The following NTN1 variants were observed in gnomAD, a reference collection of about 807,000 sequenced individuals.
The protein encoded by NTN1 is netrin-1.
NTN1 carries 11 observed loss-of-function variants against 54.2 expected under a neutral mutation model. The ratio of observed to expected loss-of-function variants is 0.20; its 90% CI spans 0.13 to 0.34. The LOEUF is 0.34. NTN1 is among the 10% of genes least tolerant of loss of function. NTN1 has a pLI of 1.00. For missense variants in NTN1, 740 were observed against 893.1 expected (o/e 0.83, Z 2.18); for synonymous variants, 371 against 382.0 (o/e 0.97, Z 0.33).
At chr17:9,230,188 A>G (rs939546044) in intron 6 of NTN1, among the ~76,000 whole-genome samples, 3 of 152,114 alleles carry the variant, frequency 2.0e-5, no homozygotes, top group Non-Finnish European at 4.4e-5. Context: ...GTAGGGATGA[A>G]GTTACTATGT....
At chr17:9,096,048 C>T (rs537500254) in intron 2 of NTN1, among the ~76,000 whole-genome samples, 8 of 152,112 alleles carry the variant, frequency 5.3e-5, no homozygotes, top group Non-Finnish European at 1.0e-4. Context: ...CTGCCCACCT[C>T]GGCCTCCCAA....
At chr17:9,016,361 T>C in the NTN1 span, among the ~76,000 whole-genome samples, 1 of 152,138 alleles carries the variant, frequency 6.6e-6, no homozygotes, top group Admixed American at 6.5e-5. Context: ...CCCCCTCTTA[T>C]TGTCCTCGGA....
At chr17:9,144,022 A>C (rs951434256) in intron 2 of NTN1, among the ~76,000 whole-genome samples, 1 of 151,754 alleles carries the variant, frequency 6.6e-6, no homozygotes. Context: ...CAGCCTCCTG[A>C]GTAGCTAGAA....
At chr17:9,127,016 A>G (rs1330441378) in intron 2 of NTN1, among the ~76,000 whole-genome samples, 1 of 122,672 alleles carries the variant, frequency 8.2e-6, no homozygotes, top group Non-Finnish European at 1.7e-5. Flanking sequence ...AGGCGGAGGG[A>G]GGCCCTAGGG....
chr17:9,052,120 G>T (rs915082384), intron 2 of NTN1, among the ~76,000 whole-genome samples: 1 of 152,054 alleles, frequency 6.6e-6, no homozygotes, highest in African/African-American at 2.4e-5. Flanking sequence ...TTACAGGCAC[G>T]CGCCACCATG....
At chr17:9,200,684 C>T (rs1353430655) in intron 5 of NTN1, among the ~76,000 whole-genome samples, 1 of 152,162 alleles carries the variant, frequency 6.6e-6, no homozygotes, top group African/African-American at 2.4e-5. Context: ...ATGCATGTGT[C>T]CATTTATTCA....
chr17:9,141,486 G>A (rs1438077092), intron 2 of NTN1, among the ~76,000 whole-genome samples: 1 of 152,140 alleles, frequency 6.6e-6, no homozygotes, highest in Non-Finnish European at 1.5e-5. Flanking sequence ...GCAGACTTAG[G>A]TGGCCTTAGC....
rs1286458291 is a variant in NTN1 at position 9,241,048 on chromosome 17, C to G, written c.*1080C>G. 1 of 152,360 alleles carries G rather than the reference C, an allele frequency of 6.6e-6. No individual in the cohort carries two copies. The highest frequency in any genetic ancestry group is 1.5e-5 in the Non-Finnish European group (1 of 68,186). 9.4% of individuals were successfully genotyped at this position (152,360 alleles called of 1,614,324 possible). A position where few individuals can be genotyped will look rare whatever the true frequency, so the allele number is the denominator to read the frequency against. On this transcript the variant is annotated 3_prime_UTR_variant, in exon 7 of 7. Coordinates refer to ENST00000173229, the MANE Select transcript of NTN1 (RefSeq NM_004822.3). ...AACAGCTGGAAAGGGCCTGAACGGG[C>G]TTGGAGTCTGCAGGCTGCGAAGGCA...
At chr17:9,012,788 C>T in the NTN1 span, among the ~76,000 whole-genome samples, 1 of 152,168 alleles carries the variant, frequency 6.6e-6, no homozygotes, top group Middle Eastern at 3.2e-3. Flanking sequence ...TTGCTATTGT[C>T]TGGGTCAGCT....
At chr17:9,137,836 TC>T (rs1267544794) in intron 2 of NTN1, among the ~76,000 whole-genome samples, 1 of 152,116 alleles carries the variant, frequency 6.6e-6, no homozygotes, top group Non-Finnish European at 1.5e-5. Context: ...CTTGGGTACT[TC>T]CGGCATTTCC....
intron 2 of NTN1, among the ~76,000 whole-genome samples, chr17:9,100,330 C>T (rs1025716234): frequency 3.9e-5 from 6 of 152,016 alleles, no homozygotes; most frequent in South Asian, 4.2e-4. Context: ...CAGAGTCTCG[C>T]GCTGTTGCCC....
chr17:9,008,933 T>TG, the NTN1 span, among the ~76,000 whole-genome samples: 19 of 152,204 alleles, frequency 1.2e-4, no homozygotes, highest in African/African-American at 4.6e-4. Context: ...CCCAGCTACC[T>TG]GGGAGGCTGA....
At chr17:9,158,175 G>A (rs530234251) in intron 2 of NTN1, among the ~76,000 whole-genome samples, 2 of 152,202 alleles carry the variant, frequency 1.3e-5, no homozygotes, top group African/African-American at 4.8e-5. Flanking sequence ...AGGGAAGGGA[G>A]CCCTGCCTTT....
intron 2 of NTN1, among the ~76,000 whole-genome samples, chr17:9,150,851 G>A (rs2092325577): frequency 6.6e-6 from 1 of 152,158 alleles, no homozygotes; most frequent in Non-Finnish European, 1.5e-5. Context: ...GATGGCCCCC[G>A]CTGTCCACTG....
At position 9,072,418 on chromosome 17, in the gene NTN1, A is replaced by G. The variant is rs2092035145; in HGVS notation, c.1018+49027A>G. 2.0e-5 allele frequency among the ~76,000 whole-genome samples: 3 copies of G among 151,510 alleles called. No individual in the cohort carries two copies. The South Asian group carries it at 6.3e-4, about 32-fold the overall frequency. ...AGCCTCACTTCTACCCCTACCCCCCAACTTATTCTTGCCTTCTCTCAACCC... is the reference window on the plus strand; with the variant it reads ...AGCCTCACTTCTACCCCTACCCCCCGACTTATTCTTGCCTTCTCTCAACCC... On this transcript the variant is annotated intron_variant, in intron 2 of 6. Transcript: ENST00000173229.
upstream of NTN1, among the ~76,000 whole-genome samples, chr17:9,017,758 G>C (rs993256789): frequency 5.3e-5 from 8 of 152,156 alleles, no homozygotes; most frequent in Non-Finnish European, 8.8e-5. Flanking sequence ...ATGCCTTCAC[G>C]GGTGTGTATT....
intron 5 of NTN1, among the ~76,000 whole-genome samples, chr17:9,214,702 G>A (rs192056451): frequency 7.5e-4 from 114 of 152,246 alleles, no homozygotes; most frequent in African/African-American, 2.7e-3. Flanking sequence ...GGCGCCTGTA[G>A]TCCCAGCTAC....
At chr17:9,016,434 C>T in the NTN1 span, among the ~76,000 whole-genome samples, 1 of 152,180 alleles carries the variant, frequency 6.6e-6, no homozygotes, top group African/African-American at 2.4e-5. Context: ...ACCACAACCT[C>T]CTCAGTTATT....
chr17:9,089,486 A>G (rs188104498), intron 2 of NTN1, among the ~76,000 whole-genome samples: 16 of 152,202 alleles, frequency 1.1e-4, no homozygotes, highest in Non-Finnish European at 1.9e-4. Context: ...CTTGTTAAAC[A>G]CATTAGAGCA....
Sources: allele counts gnomAD v4.1 joint callset (sites outside exome capture counted in the v4.1 genomes callset), GRCh38; gene constraint gnomAD v4.1.1; transcripts MANE v1.5; gene names NCBI Gene and HGNC (gene_info 2026-07-23, HGNC 2026-07-21).